ITGA1: variants seen among roughly 807,000 people sequenced by gnomAD.
ITGA1 encodes the protein integrin subunit alpha 1.
Under a neutral mutation model 145.9 loss-of-function variants are expected in ITGA1, and 85 were observed. The ratio of observed to expected loss-of-function variants is 0.58; its 90% CI spans 0.49 to 0.70. The LOEUF is 0.70. Ranked by LOEUF, ITGA1 falls within the 30% of genes least tolerant of loss-of-function variation. The pLI, the probability that ITGA1 is intolerant of heterozygous loss-of-function variation, is 0.00. For synonymous variants in ITGA1, 520 were observed against 495.3 expected (o/e 1.05, Z -0.66); for missense variants, 1,351 against 1,418.7 (o/e 0.95, Z 0.77).
intron 11 of ITGA1, among the ~76,000 whole-genome samples, chr5:52,898,634 C>T (rs1750268608): frequency 6.6e-6 from 1 of 152,004 alleles, no homozygotes; most frequent in Non-Finnish European, 1.5e-5. Context: ...GATATGTGCC[C>T]TTTCTGATAT....
chr5:52,847,983 TCTTA>T (rs1580060097), intron 1 of ITGA1, among the ~76,000 whole-genome samples: 1 of 152,224 alleles, frequency 6.6e-6, no homozygotes. Flanking sequence ...TAGGAGACAG[TCTTA>T]CTTACTAAGA....
Position 52,918,899 on chromosome 5 carries a change from G to C in ITGA1, c.2155+1G>C. On this transcript the variant is annotated splice_donor_variant, in intron 16 of 28. Transcript: ENST00000282588. LOFTEE classifies it high-confidence loss of function. ...AAAGAAGACACGATTTATGAAGCTG[G>C]TAAGCAAAATAATTATAGCAAGTAC... 1 of 1,587,768 alleles carries C rather than the reference G, an allele frequency of 6.3e-7. No homozygotes were observed. Among genetic ancestry groups the C allele is most frequent in the Non-Finnish European group, 8.5e-7 (1 of 1,170,312 alleles).
chr5:52,828,249 A>G (rs549611623), intron 1 of ITGA1, among the ~76,000 whole-genome samples: 1 of 152,308 alleles, frequency 6.6e-6, no homozygotes, highest in Middle Eastern at 3.4e-3. Flanking sequence ...TAGCAACATT[A>G]CCACTTTACA....
At chr5:52,916,538 T>C (rs938235744) in intron 15 of ITGA1, among the ~76,000 whole-genome samples, 1 of 152,008 alleles carries the variant, frequency 6.6e-6, no homozygotes, top group Non-Finnish European at 1.5e-5. Context: ...TAATTTAAGA[T>C]AATGCTTAAG....
chr5:52,884,163 G>T (rs1750009282), intron 7 of ITGA1, among the ~76,000 whole-genome samples: 1 of 152,092 alleles, frequency 6.6e-6, no homozygotes, highest in Non-Finnish European at 1.5e-5. Flanking sequence ...CAGAAAATCG[G>T]CTGGGTGCAG....
intron 22 of ITGA1, chr5:52,932,879 A>G (rs923361005): frequency 2.6e-5 from 4 of 152,092 alleles, no homozygotes; most frequent in African/African-American, 9.7e-5. Flanking sequence ...TACAACTACT[A>G]TCTCCATTTT....
intron 21 of ITGA1, among the ~76,000 whole-genome samples, chr5:52,930,925 G>A (rs1750885864): frequency 6.6e-6 from 1 of 152,132 alleles, no homozygotes; most frequent in Admixed American, 6.6e-5. Flanking sequence ...GTACAGAGCT[G>A]CTGCTTATGG....
At chr5:52,806,047 A>G (rs1454925850) in intron 1 of ITGA1, among the ~76,000 whole-genome samples, 1 of 152,112 alleles carries the variant, frequency 6.6e-6, no homozygotes, top group African/African-American at 2.4e-5. Context: ...AGTTGGTAAA[A>G]TGCTCAGTAA....
intron 1 of ITGA1, among the ~76,000 whole-genome samples, chr5:52,808,014 A>G (rs1017198937): frequency 1.5e-4 from 23 of 152,174 alleles, no homozygotes; most frequent in African/African-American, 5.6e-4. Flanking sequence ...GGCCAAGTTG[A>G]CAGAATTGAC....
chr5:52,923,533 T>G (rs761749678), intron 18 of ITGA1, among the ~76,000 whole-genome samples: 3 of 152,168 alleles, frequency 2.0e-5, no homozygotes, highest in Non-Finnish European at 4.4e-5. Context: ...AATAGTAAAC[T>G]TTCTCAGCCA....
chr5:52,864,727 CT>C (rs1349035826), intron 3 of ITGA1, 35 bp from the exon 4 acceptor site: 1 of 1,339,112 alleles, frequency 7.5e-7, no homozygotes, highest in South Asian at 1.2e-5. Flanking sequence ...CTTTGTGAAA[CT>C]TTTCCTCCCT....
At chr5:52,925,203 G>A (rs1750785193) in intron 18 of ITGA1, 75 bp from the exon 19 acceptor site, 2 of 1,134,708 alleles carry the variant, frequency 1.8e-6, no homozygotes, top group Non-Finnish European at 2.6e-6. Flanking sequence ...TGCCATTTTT[G>A]TTACACAAAT....
At position 52,893,698 on chromosome 5, in the gene ITGA1, A is replaced by G; in HGVS notation, c.948A>G (p.Gly316=). 1.2e-6 allele frequency: 2 copies of G among 1,612,780 alleles called. No individual in the cohort carries two copies. ...AGATTCTTGGCAGCTATAACCGAGG[A>G]AATTTAAGCACTGAAAAATTTGTGG... ...SIAILGSYNR[G]NLSTEKFVEE... Residue 316 remains glycine, a synonymous_variant, in exon 9 of 29, where the codon GGA becomes GGG. Transcript: ENST00000282588.
At chr5:52,800,422 A>T (rs11547950) in intron 1 of ITGA1, 1 of 1,613,998 alleles carries the variant, frequency 6.2e-7, no homozygotes, top group East Asian at 2.2e-5. Context: ...GAACATCGAG[A>T]AGGACAATGC....
chr5:52,833,534 T>G (rs1200135637), intron 1 of ITGA1, among the ~76,000 whole-genome samples: 3 of 152,192 alleles, frequency 2.0e-5, no homozygotes, highest in Non-Finnish European at 4.4e-5. Flanking sequence ...ACCTTTCTCT[T>G]AAATTATTCC....
At chr5:52,911,753 T>C (rs1008950598) in intron 14 of ITGA1, among the ~76,000 whole-genome samples, 2 of 109,174 alleles carry the variant, frequency 1.8e-5, no homozygotes, top group African/African-American at 6.1e-5. Flanking sequence ...ATACTATACA[T>C]ATAGTGTATC....
At chr5:52,834,410 C>T (rs1749122930) in intron 1 of ITGA1, among the ~76,000 whole-genome samples, 1 of 151,490 alleles carries the variant, frequency 6.6e-6, no homozygotes, top group Non-Finnish European at 1.5e-5. Context: ...ACGGCCTTAT[C>T]TCTGTGTACA....
rs1383833603 is a variant in ITGA1 at position 52,808,675 on chromosome 5, T to C, written c.61+20261T>C. 1.3e-4 allele frequency among the ~76,000 whole-genome samples: 6 copies of C among 46,892 alleles called. No individual in the cohort carries two copies. In the South Asian group the frequency reaches 3.0e-3, roughly 24 times the overall value. The allele number at this position is 46,892 out of a possible 152,430, so 30.8% of individuals were successfully genotyped here. A position where few individuals can be genotyped will look rare whatever the true frequency, so the allele number is the denominator to read the frequency against. ...CTTTTTTTCTTTTTCTTTCTTTCTTTCTTTTTTTTTTTTTTTTTTTTTGTT... is the reference window on the plus strand; with the variant it reads ...CTTTTTTTCTTTTTCTTTCTTTCTTCCTTTTTTTTTTTTTTTTTTTTTGTT... On this transcript the variant is annotated intron_variant, in intron 1 of 28. Transcript: ENST00000282588.
intron 1 of ITGA1, among the ~76,000 whole-genome samples, chr5:52,819,106 C>T (rs751457871): frequency 3.9e-5 from 6 of 152,066 alleles, no homozygotes; most frequent in Admixed American, 2.0e-4. Context: ...GCAATAAACA[C>T]ACGTGTGCAT....
Sources: gnomAD v4.1 joint callset for allele counts (sites outside exome capture counted in the v4.1 genomes callset) on GRCh38, gnomAD v4.1.1 for gene constraint, MANE v1.5 for transcripts, NCBI Gene and HGNC (gene_info 2026-07-23, HGNC 2026-07-21) for gene names.